STK32B: variants seen among roughly 807,000 people sequenced by gnomAD.
The protein encoded by STK32B is serine/threonine kinase 32B.
Under a neutral mutation model 52.6 loss-of-function variants are expected in STK32B, and 43 were observed. That is an observed-to-expected ratio of 0.82 (90% CI 0.64 to 1.05). The LOEUF (loss-of-function observed/expected upper bound fraction) is 1.05. STK32B is among the 50% of genes least tolerant of loss of function. The pLI is 0.00. For missense variants in STK32B, 621 were observed against 534.6 expected (o/e 1.16, Z -1.59); for synonymous variants, 238 against 204.3 (o/e 1.17, Z -1.41).
At chr4:5,167,561 A>G (rs1419003390) in intron 2 of STK32B, among the ~76,000 whole-genome samples, 1 of 152,156 alleles carries the variant, frequency 6.6e-6, no homozygotes, top group African/African-American at 2.4e-5. Flanking sequence ...GAACACAGAG[A>G]AGGGTAGGAA....
chr4:5,416,489 G>T (rs887851217), intron 5 of STK32B, among the ~76,000 whole-genome samples: 1 of 152,102 alleles, frequency 6.6e-6, no homozygotes, highest in African/African-American at 2.4e-5. Context: ...ACCTACCCCC[G>T]CCCCAGCCAT....
chr4:5,109,984 C>T (rs138844197), intron 1 of STK32B, among the ~76,000 whole-genome samples: 40 of 150,014 alleles, frequency 2.7e-4, no homozygotes, highest in Admixed American at 5.4e-4. Flanking sequence ...ACATTCATAC[C>T]GAGAACCAAT....
intron 3 of STK32B, among the ~76,000 whole-genome samples, chr4:5,202,585 C>T (rs76500262): frequency 0.24 from 36,306 of 152,244 alleles, 5,311 homozygotes; most frequent in Non-Finnish European, 0.34. Context: ...CATGAGGGCT[C>T]CACCACTGCA....
intron 6 of STK32B, chr4:5,436,490 A>G (rs913091121): frequency 5.2e-6 from 3 of 575,288 alleles, no homozygotes; most frequent in South Asian, 7.8e-5. Flanking sequence ...GAATACCATC[A>G]TCTGTGGCAT....
Position 5,168,359 on chromosome 4 carries a change from C to T in STK32B, c.169C>T (p.Gln57Ter), listed in dbSNP as rs1305495889. The T allele has an allele frequency of 6.2e-7, 1 of 1,613,764 alleles. No individual in the cohort carries two copies. The highest frequency in any genetic ancestry group is 1.3e-5 in the African/African-American group (1 of 74,850). The change falls in exon 3 of 12, where the codon CAG (glutamine) becomes TAG (stop). Residue 57 changes from glutamine (Q) to a stop codon, truncating the protein, a stop_gained. Transcript: ENST00000282908. LOFTEE classifies it high-confidence loss of function. The part of the protein sequence containing the change: ...KMYAMKYMNK[Q>*]KCIERDEVRN... Reference sequence around the variant, plus strand: ...GTATGCAATGAAGTACATGAACAAGCAGAAGTGCATCGAGAGGGATGAGGT... The same window carrying T: ...GTATGCAATGAAGTACATGAACAAGTAGAAGTGCATCGAGAGGGATGAGGT...
At position 5,404,694 on chromosome 4, in the gene STK32B, C is replaced by T. The variant is rs749621192; in HGVS notation, c.472+6450C>T. On this transcript the variant is annotated intron_variant, in intron 5 of 11. Transcript: ENST00000282908. ...TCCCACTCAGGCGTGTTACCCTCCT[C>T]GCTCCGGGCCCATAACACTTGGGAG... Among the ~76,000 whole-genome samples the T allele has an allele frequency of 1.1e-4, 17 of 151,890 alleles. 1 individual carries two copies. The highest frequency in any genetic ancestry group is 8.4e-4 in the South Asian group (4 of 4,766).
At position 5,380,988 on chromosome 4, in the gene STK32B, C is replaced by T. The variant is rs140377879; in HGVS notation, c.435-17219C>T. ...GGCCCACCGCCTGGGAAGCAATTTG[C>T]AGAGCAGTTACACAGTGTAAATGAC... is the stretch of plus-strand genomic sequence containing the variant. On this transcript the variant is annotated intron_variant, in intron 4 of 11. Transcript: ENST00000282908. The surrounding 1 kb of genome is among the most constrained non-coding windows in gnomAD (Gnocchi z 4.3). Among the ~76,000 whole-genome samples, 1,391 of 152,306 alleles carry T rather than the reference C, an allele frequency of 9.1e-3. 17 individuals are homozygous for T. Among genetic ancestry groups the T allele is most frequent in the African/African-American group, 0.032 (1,330 of 41,562 alleles).
intron 7 of STK32B, among the ~76,000 whole-genome samples, chr4:5,449,814 G>A (rs761042880): frequency 6.6e-6 from 1 of 152,156 alleles, no homozygotes; most frequent in Non-Finnish European, 1.5e-5. Context: ...CACCTTATGA[G>A]AATCTAATGC....
chr4:5,090,480 G>A (rs563818795), intron 1 of STK32B, among the ~76,000 whole-genome samples: 47 of 144,516 alleles, frequency 3.3e-4, no homozygotes, highest in South Asian at 4.5e-4. Context: ...GGTTCACGCC[G>A]TTCTCCTGCC....
chr4:5,198,972 TAA>T (rs1721913684), intron 3 of STK32B, among the ~76,000 whole-genome samples: 1 of 152,160 alleles, frequency 6.6e-6, no homozygotes, highest in Non-Finnish European at 1.5e-5. Flanking sequence ...AACATCAGCC[TAA>T]GCCACTCTGA....
chr4:5,387,856 T>G (rs1010005728), intron 4 of STK32B, among the ~76,000 whole-genome samples: 1 of 152,184 alleles, frequency 6.6e-6, no homozygotes, highest in Non-Finnish European at 1.5e-5. Flanking sequence ...GTGATTCTCC[T>G]GCCTCAGCCT....
intron 2 of STK32B, among the ~76,000 whole-genome samples, chr4:5,165,427 A>G (rs1718790076): frequency 1.3e-5 from 2 of 152,124 alleles, no homozygotes; most frequent in African/African-American, 4.8e-5. Flanking sequence ...TGTCCCTTGA[A>G]ACCCAGAAGC....
intron 1 of STK32B, among the ~76,000 whole-genome samples, chr4:5,081,399 C>T (rs1166046143): frequency 2.6e-5 from 4 of 152,032 alleles, no homozygotes; most frequent in African/African-American, 7.2e-5. Flanking sequence ...TCTGGATGTC[C>T]GTATATCTCC....
intron 3 of STK32B, among the ~76,000 whole-genome samples, chr4:5,219,638 A>G (rs1243047305): frequency 2.0e-5 from 3 of 152,184 alleles, no homozygotes; most frequent in Non-Finnish European, 2.9e-5. Flanking sequence ...AGTGCCTTTC[A>G]GGCCCTATGA....
chr4:5,047,835 G>A (rs1447089758), upstream of STK32B, among the ~76,000 whole-genome samples: 1 of 152,200 alleles, frequency 6.6e-6, no homozygotes, highest in Non-Finnish European at 1.5e-5. Flanking sequence ...CTGTATGTGT[G>A]ATCTTATCTG....
At chr4:5,199,923 T>G (rs1048690761) in intron 3 of STK32B, among the ~76,000 whole-genome samples, 4 of 152,192 alleles carry the variant, frequency 2.6e-5, no homozygotes, top group African/African-American at 9.7e-5. Context: ...TACTTTCTGA[T>G]AATGAATATG....
intron 3 of STK32B, among the ~76,000 whole-genome samples, chr4:5,302,307 G>A (rs6836651): frequency 0.14 from 20,934 of 151,204 alleles, 2,890 homozygotes; most frequent in African/African-American, 0.36. Flanking sequence ...TGTTTTCAGA[G>A]CTAAAATTCC....
At chr4:5,497,432 G>A (rs936049685) in intron 11 of STK32B, among the ~76,000 whole-genome samples, 3 of 152,238 alleles carry the variant, frequency 2.0e-5, no homozygotes. Flanking sequence ...AACCCGAAGG[G>A]AGCCTCCCAG....
At chr4:5,177,247 G>A (rs571460709) in intron 3 of STK32B, among the ~76,000 whole-genome samples, 9 of 152,134 alleles carry the variant, frequency 5.9e-5, no homozygotes, top group Admixed American at 1.3e-4. Flanking sequence ...AGGAGAAGCC[G>A]GCACCTTCTT....
Sources: allele counts gnomAD v4.1 joint callset (sites outside exome capture counted in the v4.1 genomes callset), GRCh38; gene constraint gnomAD v4.1.1; non-coding constraint Gnocchi (gnomAD v3.1); transcripts MANE v1.5; gene names NCBI Gene and HGNC (gene_info 2026-07-23, HGNC 2026-07-21).